The following NUP98 variants were observed in gnomAD, a reference collection of about 807,000 sequenced individuals.
The protein encoded by NUP98 is nucleoporin 98 and 96 precursor.
A neutral mutation model predicts 191.9 loss-of-function variants in NUP98; 26 were observed. That is an observed-to-expected ratio of 0.14 (90% CI 0.10 to 0.19). The LOEUF (loss-of-function observed/expected upper bound fraction) is 0.19. Among genes scored for constraint, NUP98 ranks in the 10% least tolerant of loss-of-function variants. The pLI, the probability that NUP98 is intolerant of heterozygous loss-of-function variation, is 1.00. For synonymous variants in NUP98, 808 were observed against 778.4 expected (o/e 1.04, Z -0.63); for missense variants, 1,941 against 2,178.8 (o/e 0.89, Z 2.17).
intron 26 of NUP98, 122 bp downstream of exon 26, chr11:3,695,327 A>G (rs1371258560): frequency 5.9e-6 from 5 of 843,692 alleles, no homozygotes; most frequent in Non-Finnish European, 8.5e-6. Flanking sequence ...AAATTGTCCA[A>G]TGTGTAAAAC....
intron 1 of NUP98, among the ~76,000 whole-genome samples, chr11:3,792,447 C>A (rs989302369): frequency 5.3e-5 from 8 of 151,826 alleles, no homozygotes; most frequent in African/African-American, 1.9e-4. Flanking sequence ...CCCGTCTCTA[C>A]AAAAAATACA....
chr11:3,686,423 A>G (rs1412260717), intron 28 of NUP98, among the ~76,000 whole-genome samples: 1 of 152,232 alleles, frequency 6.6e-6, no homozygotes, highest in Admixed American at 6.5e-5. Context: ...GTGATCTAAC[A>G]GGTTTGCTGG....
chr11:3,795,676 A>T (rs974756951), intron 1 of NUP98, among the ~76,000 whole-genome samples: 3 of 152,184 alleles, frequency 2.0e-5, no homozygotes, highest in Non-Finnish European at 1.5e-5. Flanking sequence ...CAGCCTAATT[A>T]AAAAAACAGC....
At chr11:3,761,096 A>G (rs1407693295) in intron 9 of NUP98, among the ~76,000 whole-genome samples, 1 of 152,246 alleles carries the variant, frequency 6.6e-6, no homozygotes, top group Admixed American at 6.5e-5. Flanking sequence ...TTCCATTTAC[A>G]TGAAGTGTTC....
rs189398588 is a variant in NUP98 at position 3,751,290 on chromosome 11, G to A, written c.1267+2026C>T. On this transcript the variant is annotated intron_variant, in intron 11 of 32. Coordinates refer to ENST00000324932, the MANE Select transcript of NUP98 (RefSeq NM_016320.5). ...GGAGAATAGCTTGAAACCAGGAGGC[G>A]GAGGCTGCGGTGAGCCGAGATTGTG... Among the ~76,000 whole-genome samples, 293 of 152,212 alleles carry A rather than the reference G, an allele frequency of 1.9e-3. 2 individuals carry two copies. The highest frequency in any genetic ancestry group is 6.7e-3 in the African/African-American group (279 of 41,544).
intron 12 of NUP98, among the ~76,000 whole-genome samples, chr11:3,743,852 G>A (rs960195608): frequency 1.9e-4 from 29 of 151,334 alleles, no homozygotes; most frequent in African/African-American, 6.8e-4. Flanking sequence ...AGGAATTCGA[G>A]ATCAGCCTGG....
At position 3,699,238 on chromosome 11, in the gene NUP98, G is replaced by T. The variant is rs764642034; in HGVS notation, c.3853C>A (p.Arg1285=). The change falls in exon 25 of 33, where the codon CGA becomes AGA. Residue 1285 remains arginine (R), a synonymous_variant. Transcript: ENST00000324932. ...AGCCAGCGGGAGAAAGCTCTTCTTC[G>T]CTCCAGAATTTGAATGTATTCACGG... ...EPREYIQILE[R]RRAFSRWLSC... The T allele has an allele frequency of 1.9e-6, 3 of 1,614,114 alleles. No homozygotes were observed. Among genetic ancestry groups the T allele is most frequent in the Admixed American group, 1.7e-5 (1 of 60,014 alleles).
intron 28 of NUP98, among the ~76,000 whole-genome samples, chr11:3,688,575 A>AGGC (rs2078200977): frequency 6.6e-6 from 1 of 151,364 alleles, no homozygotes; most frequent in African/African-American, 2.4e-5. Context: ...CAGGAGGATT[A>AGGC]CTTGAGGTCA....
chr11:3,718,139 G>T lies in NUP98; in HGVS notation c.2399+1273C>A, dbSNP rs572935720. ...CAATTTTTTGGAAGAGTCTGAGTAG[G>T]ACTGGTGTTATTTCTTTAAACGCTT... On this transcript the variant is annotated intron_variant, in intron 18 of 32. Coordinates refer to ENST00000324932, the MANE Select transcript of NUP98 (RefSeq NM_016320.5). 8.5e-5 allele frequency among the ~76,000 whole-genome samples: 13 copies of T among 152,300 alleles called. No individual in the cohort carries two copies. In the East Asian group the frequency reaches 2.1e-3, roughly 25 times the overall value.
Position 3,695,699 on chromosome 11 carries a change from C to G in NUP98, c.4010-93G>C, listed in dbSNP as rs1023169612. 4.4e-6 allele frequency: 4 copies of G among 906,498 alleles called. No individual in the cohort carries two copies. The African/African-American group carries it at 6.8e-5, about 16-fold the overall frequency. 56.2% of individuals were successfully genotyped at this position (906,498 alleles called of 1,614,324 possible). On this transcript the variant is annotated intron_variant, in intron 25 of 32. Transcript: ENST00000324932. ...CATTATCTTCATTTCTTCCAGCCTT[C>G]AGAAGGGAGGATTTAACATTGTTAA...
chr11:3,782,091 G>A lies in NUP98; in HGVS notation c.27C>T (p.Pro9=), dbSNP rs1220204841. 1.2e-6 allele frequency: 2 copies of A among 1,612,524 alleles called. No homozygotes were observed. Among genetic ancestry groups the A allele is most frequent in the Non-Finnish European group, 8.5e-7 (1 of 1,179,346 alleles). MFNKSFGT[P]FGGGTGGFGT... ...CAAAGCCACCTGTGCCACCCCCAAA[G>A]GGTGTTCCAAATGATTTGTTAAACA... is the stretch of plus-strand genomic sequence containing the variant. Residue 9 remains proline (P), a synonymous_variant, in exon 2 of 33, where the codon CCC becomes CCT. Coordinates refer to ENST00000324932, the MANE Select transcript of NUP98 (RefSeq NM_016320.5).
At position 3,702,588 on chromosome 11, in the gene NUP98, A is replaced by G. The variant is rs200470181; in HGVS notation, c.3387T>C (p.Gly1129=). ...TAGCAAGAGTCCAGTTGGGGCCCCA[A>G]CCAACACGAAATGAGCGTCCCATGA... is the stretch of plus-strand genomic sequence containing the variant. ...ALFMGRSFRV[G]WGPNWTLANS... is the part of the protein sequence containing the mutation. The change falls in exon 23 of 33, where the codon GGT becomes GGC. Residue 1129 remains glycine, a synonymous_variant. Coordinates refer to ENST00000324932, the MANE Select transcript of NUP98 (RefSeq NM_016320.5). 7 of 1,613,906 alleles carry G rather than the reference A, an allele frequency of 4.3e-6. No homozygotes were observed. Among genetic ancestry groups the G allele is most frequent in the African/African-American group, 1.3e-5 (1 of 74,854 alleles).
chr11:3,689,723 C>A lies in NUP98; in HGVS notation c.4454+1624G>T, dbSNP rs188715765. ...TGATGCAATCATGTCTCACTGCAGG[C>A]TCGACTTCCCAGGCTCAGGTGATCC... On this transcript the variant is annotated intron_variant, in intron 28 of 32. Coordinates refer to ENST00000324932, the MANE Select transcript of NUP98 (RefSeq NM_016320.5). Among the ~76,000 whole-genome samples the A allele has an allele frequency of 2.0e-5, 3 of 152,196 alleles. No homozygotes were observed. The East Asian group carries it at 5.8e-4, about 30-fold the overall frequency.
At chr11:3,743,302 C>A (rs994384595) in intron 12 of NUP98, among the ~76,000 whole-genome samples, 1 of 148,104 alleles carries the variant, frequency 6.8e-6, no homozygotes, top group African/African-American at 2.5e-5. Context: ...TAGGCGTGGG[C>A]CACCAGGTCC....
intron 12 of NUP98, among the ~76,000 whole-genome samples, chr11:3,737,211 A>C (rs1239611980): frequency 6.6e-6 from 1 of 152,088 alleles, no homozygotes; most frequent in African/African-American, 2.4e-5. Context: ...TTACAAATAA[A>C]GTTACTGCCA....
chr11:3,753,912 C>G (rs2080862480), intron 10 of NUP98, among the ~76,000 whole-genome samples: 1 of 150,030 alleles, frequency 6.7e-6, no homozygotes, highest in Admixed American at 6.6e-5. Flanking sequence ...GCACTCCAGC[C>G]TGGGCAACAG....
At position 3,749,075 on chromosome 11, in the gene NUP98, G is replaced by A. The variant is rs187293665; in HGVS notation, c.1267+4241C>T. On this transcript the variant is annotated intron_variant, in intron 11 of 32. Coordinates refer to ENST00000324932, the MANE Select transcript of NUP98 (RefSeq NM_016320.5). ...TGTAATCCCAGCACTTTGGGAGGCC[G>A]AGGCGGGTGGATCATGAGGTCAGGA... is the stretch of plus-strand genomic sequence containing the variant. Among the ~76,000 whole-genome samples the A allele has an allele frequency of 5.4e-3, 817 of 151,924 alleles. 5 individuals are homozygous for A. The highest frequency in any genetic ancestry group is 0.013 in the African/African-American group (552 of 41,458).
In NUP98 at chr11:3,778,946, A is replaced by G. The variant is rs764117552; in HGVS notation, c.282T>C (p.Thr94=). 20 of 1,614,218 alleles carry G rather than the reference A, an allele frequency of 1.2e-5. No homozygotes were observed. Among genetic ancestry groups the G allele is most frequent in the Non-Finnish European group, 1.7e-5 (20 of 1,180,036 alleles). Residue 94 remains threonine (T), a synonymous_variant, in exon 4 of 33, where the codon ACT becomes ACC. Coordinates refer to ENST00000324932, the MANE Select transcript of NUP98 (RefSeq NM_016320.5). ...STGTANTLFG[T]ASTGTSLFSS... ...AGAAGAGACTGGTCCCTGTGCTTGC[A>G]GTTCCAAACAAGGTATTTGCTGTTC...
At chr11:3,709,330 G>A (rs944298070) in intron 20 of NUP98, among the ~76,000 whole-genome samples, 2 of 152,092 alleles carry the variant, frequency 1.3e-5, no homozygotes, top group African/African-American at 4.8e-5. Flanking sequence ...CTTGAGCCTA[G>A]AAGTTCGAGA....
Sources: allele counts gnomAD v4.1 joint callset (sites outside exome capture counted in the v4.1 genomes callset), GRCh38; gene constraint gnomAD v4.1.1; transcripts MANE v1.5; gene names NCBI Gene and HGNC (gene_info 2026-07-23, HGNC 2026-07-21).